Variants in TEKT1 observed in about 807,000 individuals in gnomAD.
TEKT1 encodes tektin 1, also known as tektin-1.
In TEKT1, 32 loss-of-function variants were observed where a neutral mutation model predicts 34.8. The observed-to-expected ratio is 0.92, with a 90% CI of 0.69 to 1.23. The LOEUF (loss-of-function observed/expected upper bound fraction) is 1.23. Among genes scored for constraint, TEKT1 ranks in the 50% most tolerant of loss-of-function variants. TEKT1 has a pLI of 0.00. For synonymous variants in TEKT1, 207 were observed against 199.8 expected (o/e 1.04, Z -0.30); for missense variants, 492 against 518.5 (o/e 0.95, Z 0.50).
chr17:6,823,815 C>CTTTTTTTTTTTTTTTTT (rs33937600), intron 2 of TEKT1, among the ~76,000 whole-genome samples: 1 of 77,640 alleles, frequency 1.3e-5, no homozygotes, highest in Non-Finnish European at 2.2e-5. Flanking sequence ...AAACCTCATC[C>CTTTTTTTTTTTTTTTTT]TTTTTTTTTT....
chr17:6,805,403 T>C (rs967492845), intron 6 of TEKT1, among the ~76,000 whole-genome samples: 13 of 152,318 alleles, frequency 8.5e-5, no homozygotes, highest in African/African-American at 2.6e-4. Context: ...TGTTGATCTT[T>C]TCAAAAAACC....
chr17:6,812,937 G>C lies in TEKT1; in HGVS notation c.746C>G (p.Thr249Arg), dbSNP rs142630501. 663 of 1,614,244 alleles carry C rather than the reference G, an allele frequency of 4.1e-4. 4 individuals are homozygous for C. Among genetic ancestry groups the C allele is most frequent in the Middle Eastern group, 3.8e-3 (23 of 6,060 alleles). Residue 249 changes from threonine (T) to arginine (R), a missense_variant, in exon 6 of 8, where the codon ACA becomes AGA. Coordinates refer to ENST00000338694, the MANE Select transcript of TEKT1 (RefSeq NM_053285.2). ...ACACTGCTTGCGCAGATCATTGGCTGTCTGGGACAGGATTCGATCCACCAG... is the reference window on the plus strand; with the variant it reads ...ACACTGCTTGCGCAGATCATTGGCTCTCTGGGACAGGATTCGATCCACCAG... ...KALVDRILSQ[T>R]ANDLRKQCDV...
chr17:6,809,148 A>T (rs1327604859), intron 6 of TEKT1, among the ~76,000 whole-genome samples: 1 of 152,186 alleles, frequency 6.6e-6, no homozygotes. Context: ...TTGATGAGCC[A>T]ATATTGATAT....
At chr17:6,830,589 C>T (rs573871788) in intron 1 of TEKT1, among the ~76,000 whole-genome samples, 196 bp from the exon 2 acceptor site, 1 of 152,230 alleles carries the variant, frequency 6.6e-6, no homozygotes, top group Non-Finnish European at 1.5e-5. Context: ...CCAGTTACTC[C>T]ACCTCAAGCC....
At chr17:6,816,142 C>T (rs1387842160) in intron 3 of TEKT1, among the ~76,000 whole-genome samples, 180 bp from the exon 4 acceptor site, 1 of 152,200 alleles carries the variant, frequency 6.6e-6, no homozygotes. Flanking sequence ...AATATCCAAA[C>T]ACAATGAAGA....
At chr17:6,814,850 G>C (rs920419238) in intron 5 of TEKT1, 41 of 232,060 alleles carry the variant, frequency 1.8e-4, no homozygotes, top group Middle Eastern at 1.6e-3. Context: ...AAAAAAAAGG[G>C]GGGGGGAAAT....
intron 6 of TEKT1, among the ~76,000 whole-genome samples, chr17:6,806,566 T>C (rs1015933487): frequency 2.0e-5 from 3 of 152,236 alleles, no homozygotes; most frequent in Admixed American, 2.0e-4. Flanking sequence ...CTAGCGTCGA[T>C]GGTCTTTACA....
At chr17:6,803,891 C>T (rs1403754783) in intron 6 of TEKT1, among the ~76,000 whole-genome samples, 1 of 151,972 alleles carries the variant, frequency 6.6e-6, no homozygotes, top group African/African-American at 2.4e-5. Context: ...AGTCAGGTAG[C>T]GTGATGCCTC....
At chr17:6,823,773 C>A (rs1241300867) in intron 2 of TEKT1, among the ~76,000 whole-genome samples, 1 of 151,400 alleles carries the variant, frequency 6.6e-6, no homozygotes, top group Non-Finnish European at 1.5e-5. Flanking sequence ...TTTAGACAAC[C>A]ACTGATACAA....
chr17:6,825,625 A>G (rs1434786424), intron 2 of TEKT1, among the ~76,000 whole-genome samples: 3 of 152,146 alleles, frequency 2.0e-5, no homozygotes, highest in Non-Finnish European at 4.4e-5. Flanking sequence ...GTCTCTCATG[A>G]CCCCTTCCAG....
chr17:6,826,917 G>A (rs886735664), intron 2 of TEKT1, among the ~76,000 whole-genome samples: 4 of 152,046 alleles, frequency 2.6e-5, no homozygotes, highest in Non-Finnish European at 4.4e-5. Context: ...GGATGGTCTC[G>A]CTGTCCTGAC....
intron 6 of TEKT1, among the ~76,000 whole-genome samples, chr17:6,812,476 A>G (rs922984131): frequency 5.9e-5 from 9 of 152,158 alleles, no homozygotes; most frequent in Admixed American, 3.9e-4. Context: ...CATGTAGTCC[A>G]TTTCCGTACT....
At chr17:6,819,154 T>A in intron 3 of TEKT1, 39 bp downstream of exon 3, 2 of 1,593,918 alleles carry the variant, frequency 1.3e-6, no homozygotes, top group Non-Finnish European at 1.7e-6. Flanking sequence ...ATCTCATTTG[T>A]CACAACACAT....
chr17:6,824,891 T>G (rs1244406253), intron 2 of TEKT1, among the ~76,000 whole-genome samples: 1 of 152,230 alleles, frequency 6.6e-6, no homozygotes, highest in Non-Finnish European at 1.5e-5. Flanking sequence ...TGGCAATATA[T>G]AGCAAGTAGT....
intron 5 of TEKT1, chr17:6,814,916 T>C (rs1056523756): frequency 2.3e-6 from 1 of 441,226 alleles, no homozygotes; most frequent in Non-Finnish European, 4.0e-6. Context: ...CATGTATAGA[T>C]GAAGGAATAA....
Position 6,800,052 on chromosome 17 carries a change from C to T in TEKT1, c.1232G>A (p.Gly411Asp). Reference sequence around the variant, plus strand: ...TTAGCAGACAGCATCAGGGCGGAGGCCCCCAGCCCAGACCCCATGGTCTTC... The same window carrying T: ...TTAGCAGACAGCATCAGGGCGGAGGTCCCCAGCCCAGACCCCATGGTCTTC... ...DGEDHGVWAG[G>D]LRPDAVC is the part of the protein sequence containing the mutation. The change falls in exon 8 of 8, where the codon GGC becomes GAC. Residue 411 changes from glycine to aspartate, a missense_variant. Gly to Asp is a moderately conservative substitution (Grantham distance 94). Coordinates refer to ENST00000338694, the MANE Select transcript of TEKT1 (RefSeq NM_053285.2). 1.9e-6 allele frequency: 3 copies of T among 1,610,376 alleles called. No homozygotes were observed. The highest frequency in any genetic ancestry group is 1.1e-5 in the South Asian group (1 of 90,992).
chr17:6,800,864 T>C lies in TEKT1; in HGVS notation c.932A>G (p.Lys311Arg). ...GGTCTCCAAGCGCGTATGAGCCACC[T>C]TGGCTGGCCCTTCTTGGTCAAGGAT... ...KAILDQEGPA[K>R]VAHTRLETRT... The change falls in exon 7 of 8, where the codon AAG becomes AGG. Residue 311 changes from lysine (K) to arginine (R), a missense_variant. Physicochemically the swap from Lys to Arg is conservative, Grantham distance 26. Coordinates refer to ENST00000338694, the MANE Select transcript of TEKT1 (RefSeq NM_053285.2). 6.2e-7 allele frequency: 1 copy of C among 1,614,180 alleles called. No individual in the cohort carries two copies. The highest frequency in any genetic ancestry group is 1.6e-4 in the Middle Eastern group (1 of 6,062).
intron 6 of TEKT1, among the ~76,000 whole-genome samples, chr17:6,803,322 T>C (rs1170696258): frequency 1.3e-5 from 2 of 152,218 alleles, no homozygotes; most frequent in Non-Finnish European, 2.9e-5. Context: ...TTTTTTCTTG[T>C]AAATTTGTTG....
intron 4 of TEKT1, among the ~76,000 whole-genome samples, 158 bp from the exon 5 acceptor site, chr17:6,815,464 T>G (rs116121724): frequency 0.01 from 1,576 of 152,238 alleles, 30 homozygotes; most frequent in African/African-American, 0.036. Context: ...GTATACCATT[T>G]GATGCCCGGT....
Sources: gnomAD v4.1 joint callset for allele counts (sites outside exome capture counted in the v4.1 genomes callset) on GRCh38, gnomAD v4.1.1 for gene constraint, MANE v1.5 for transcripts, NCBI Gene and HGNC (gene_info 2026-07-23, HGNC 2026-07-21) for gene names.